PLAGL1: variants seen among roughly 807,000 people sequenced by gnomAD.
The protein encoded by PLAGL1 is zinc finger protein PLAGL1.
A neutral mutation model predicts 4.6 loss-of-function variants in PLAGL1; 1 was observed. That is an observed-to-expected ratio of 0.22 (90% CI 0.08 to 1.03). PLAGL1 has a LOEUF of 1.03. PLAGL1 is among the 50% of genes least tolerant of loss of function. The pLI is 0.58. For missense variants in PLAGL1, 464 were observed against 570.4 expected (o/e 0.81, Z 1.90); for synonymous variants, 240 against 237.8 (o/e 1.01, Z -0.08).
At position 143,949,140 on chromosome 6, in the gene PLAGL1, TCTTC is replaced by T. The variant is rs1455645652; in HGVS notation, c.-324-684_-324-681del. On this transcript the variant is annotated intron_variant, in intron 6 of 7. Coordinates refer to ENST00000674357, the MANE Select transcript of PLAGL1 (RefSeq NM_001317162.2). This position sits in a 1 kb window ranked among gnomAD's most constrained non-coding sequence, Gnocchi z 5.3. ...CATCCTCTAGTAAGTTCTACTAATC[TCTTC>T]CTTTTTTGTTTATGGACCTTTCTTC... is the stretch of plus-strand genomic sequence containing the variant. Among the ~76,000 whole-genome samples the T allele has an allele frequency of 6.6e-6, 1 of 152,174 alleles. No homozygotes were observed. Among genetic ancestry groups the T allele is most frequent in the Non-Finnish European group, 1.5e-5 (1 of 68,030 alleles).
intron 2 of PLAGL1, among the ~76,000 whole-genome samples, chr6:143,980,544 A>G (rs1012324650): frequency 3.3e-5 from 5 of 152,122 alleles, no homozygotes; most frequent in Admixed American, 2.6e-4. Flanking sequence ...TATAGCTTCC[A>G]TCTTTTCTTA....
rs527845197 is a variant in PLAGL1, at chr6:144,045,833, C to T, written c.-151+18635G>A. ...ATCACTTTCAGGTACACCAATCAAA[C>T]GTAGATTTGGTCTTTTCACATAGTC... On this transcript the variant is annotated intron_variant, in intron 1 of 3. Transcript: ENST00000437412. Among the ~76,000 whole-genome samples, 28 of 152,296 alleles carry T rather than the reference C, an allele frequency of 1.8e-4. No homozygotes were observed. The East Asian group carries it at 5.0e-3, about 27-fold the overall frequency.
rs80179798 is a variant in PLAGL1, at chr6:143,945,989, A to C, written c.152+1996T>G. ...TAAGAACAACTACCTTCTAAACATGACTTAAGACTTCTTTTTCAGCGCAGT... is the reference window on the plus strand; with the variant it reads ...TAAGAACAACTACCTTCTAAACATGCCTTAAGACTTCTTTTTCAGCGCAGT... On this transcript the variant is annotated intron_variant, in intron 7 of 7. Transcript: ENST00000674357. The surrounding 1 kb of genome is among the most constrained non-coding windows in gnomAD (Gnocchi z 4.2). Among the ~76,000 whole-genome samples, 4,489 of 152,204 alleles carry C rather than the reference A, an allele frequency of 0.029. 84 individuals carry two copies. The highest frequency in any genetic ancestry group is 0.058 in the Middle Eastern group (17 of 294).
rs912432449 is a variant in PLAGL1 at position 144,022,800 on chromosome 6, T to G, written c.-151+41668A>C. On this transcript the variant is annotated intron_variant, in intron 1 of 3. Coordinates refer to the PLAGL1 transcript ENST00000437412. The surrounding 1 kb of genome is among the most constrained non-coding windows in gnomAD (Gnocchi z 4.2). ...AATTAAACCTCTTTCCTTTATAAAT[T>G]ATGCAGTCTCAGGTATGTCTTTATT... 5.3e-5 allele frequency among the ~76,000 whole-genome samples: 8 copies of G among 152,184 alleles called. No homozygotes were observed. Among genetic ancestry groups the G allele is most frequent in the African/African-American group, 1.9e-4 (8 of 41,448 alleles).
intron 1 of PLAGL1, among the ~76,000 whole-genome samples, chr6:144,001,857 G>C (rs1792963908): frequency 6.6e-6 from 1 of 152,094 alleles, no homozygotes; most frequent in Admixed American, 6.5e-5. Flanking sequence ...AAATTGAGAT[G>C]CATTTTACAA....
rs1386979724 is a variant in PLAGL1, at chr6:143,941,137, G to GACAA, written c.*283_*286dup. The GACAA allele has an allele frequency of 2.0e-5, 5 of 250,978 alleles. No homozygotes were observed. The highest frequency in any genetic ancestry group is 1.0e-4 in the Admixed American group (2 of 19,182). 15.5% of individuals were successfully genotyped at this position (250,978 alleles called of 1,614,324 possible). On this transcript the variant is annotated 3_prime_UTR_variant, in exon 8 of 8. Transcript: ENST00000674357. This position sits in a 1 kb window ranked among gnomAD's most constrained non-coding sequence, Gnocchi z 6.0. The stretch of plus-strand genomic sequence containing the variant: ...CATGGCTTACGATTAAATTCCATAT[G>GACAA]ACAAACACTTATATATAGCAGCCGT...
chr6:144,031,124 G>A (rs1796791259), intron 1 of PLAGL1, among the ~76,000 whole-genome samples: 1 of 152,110 alleles, frequency 6.6e-6, no homozygotes, highest in South Asian at 2.1e-4. Context: ...TTTTCCATAT[G>A]CTTGTTGGCC....
At position 143,941,275 on chromosome 6, in the gene PLAGL1, C is replaced by A; in HGVS notation, c.*149G>T. 5 of 583,332 alleles carry A rather than the reference C, an allele frequency of 8.6e-6. No homozygotes were observed. Among genetic ancestry groups the A allele is most frequent in the Non-Finnish European group, 1.4e-5 (5 of 349,500 alleles). The allele number at this position is 583,332 out of a possible 1,614,324, so 36.1% of individuals were successfully genotyped here. A position where few individuals can be genotyped will look rare whatever the true frequency, so the allele number is the denominator to read the frequency against. On this transcript the variant is annotated 3_prime_UTR_variant, in exon 8 of 8. Coordinates refer to ENST00000674357, the MANE Select transcript of PLAGL1 (RefSeq NM_001317162.2). This position sits in a 1 kb window ranked among gnomAD's most constrained non-coding sequence, Gnocchi z 6.0. ...ACAGATTGGCACAATACATGCAGTT[C>A]GAGAATTCTCTTATCATCTCAAGCC...
In PLAGL1 at chr6:143,982,355, C is replaced by G. The variant is rs1381465430; in HGVS notation, c.-544+2780G>C. Among the ~76,000 whole-genome samples the G allele has an allele frequency of 6.6e-6, 1 of 152,016 alleles. No homozygotes were observed. Among genetic ancestry groups the G allele is most frequent in the Non-Finnish European group, 1.5e-5 (1 of 67,982 alleles). On this transcript the variant is annotated intron_variant, in intron 2 of 7. Coordinates refer to ENST00000674357, the MANE Select transcript of PLAGL1 (RefSeq NM_001317162.2). The surrounding 1 kb of genome is among the most constrained non-coding windows in gnomAD (Gnocchi z 5.3). ...ATAATTGCAAAACTCGATGCAGAAA[C>G]AAGAAAACTGGTATGGCTAAAGCAG...
chr6:143,947,942 AAACGTACTTCT>A lies in PLAGL1; in HGVS notation c.152+32_152+42del. 1.3e-6 allele frequency: 2 copies of A among 1,565,512 alleles called. No individual in the cohort carries two copies. The highest frequency in any genetic ancestry group is 1.8e-6 in the Non-Finnish European group (2 of 1,138,026). On this transcript the variant is annotated intron_variant, in intron 7 of 7. Coordinates refer to ENST00000674357, the MANE Select transcript of PLAGL1 (RefSeq NM_001317162.2). This position sits in a 1 kb window ranked among gnomAD's most constrained non-coding sequence, Gnocchi z 4.3. ...GGTCTGAGGGCTAGAAAAGCCATTTAAACGTACTTCTAAAAGTGCATACCTTTGCCAAAGCC... is the reference window on the plus strand; with the variant it reads ...GGTCTGAGGGCTAGAAAAGCCATTTAAAAAGTGCATACCTTTGCCAAAGCC...
chr6:144,012,000 G>A (rs1377359740), upstream of PLAGL1, among the ~76,000 whole-genome samples: 2 of 152,148 alleles, frequency 1.3e-5, no homozygotes, highest in South Asian at 2.1e-4. The surrounding 1 kb of genome is among the most constrained non-coding windows in gnomAD (Gnocchi z 4.3). Flanking sequence ...TTAGGATTTG[G>A]TCTGATCATC....
At chr6:143,996,279 T>C (rs1188772729) in intron 1 of PLAGL1, among the ~76,000 whole-genome samples, 1 of 152,198 alleles carries the variant, frequency 6.6e-6, no homozygotes, top group African/African-American at 2.4e-5. Context: ...CTGCGATGTC[T>C]GCATGTATGA....
intron 7 of PLAGL1, among the ~76,000 whole-genome samples, chr6:143,943,185 T>C (rs17073230): frequency 0.027 from 4,173 of 151,904 alleles, 194 homozygotes; most frequent in African/African-American, 0.095. Context: ...AAAGAGAACA[T>C]GTTTTTTTAA....
chr6:144,058,888 T>C (rs1314860780), intron 1 of PLAGL1, among the ~76,000 whole-genome samples: 1 of 152,160 alleles, frequency 6.6e-6, no homozygotes, highest in Non-Finnish European at 1.5e-5. Context: ...GAGTTGAGTG[T>C]CTGCATCTTT....
rs1287129779 is a variant in PLAGL1, at chr6:144,064,476, A to C, written c.-159T>G. ...CTGCCTTTCCTACCTACCCGCCGCC[A>C]AGTTTCCCCCGCTTGGAAAGTTCTG... On this transcript the variant is annotated 5_prime_UTR_variant, in exon 1 of 4. Transcript: ENST00000437412. The surrounding 1 kb of genome is among the most constrained non-coding windows in gnomAD (Gnocchi z 6.8). 2.0e-5 allele frequency: 3 copies of C among 152,058 alleles called. No individual in the cohort carries two copies. Among genetic ancestry groups the C allele is most frequent in the Non-Finnish European group, 1.5e-5 (1 of 68,144 alleles). The allele number at this position is 152,058 out of a possible 1,614,324, so 9.4% of individuals were successfully genotyped here.
At position 143,941,683 on chromosome 6, in the gene PLAGL1, A is replaced by G. The variant is rs1562363442; in HGVS notation, c.1133T>C (p.Leu378Pro). 6.2e-7 allele frequency: 1 copy of G among 1,614,268 alleles called. No individual in the cohort carries two copies. The highest frequency in any genetic ancestry group is 8.5e-7 in the Non-Finnish European group (1 of 1,180,046). Residue 378 changes from leucine (L) to proline (P), a missense_variant, in exon 8 of 8, where the codon CTG becomes CCG. Around this residue, in one of 4 missense-constraint regions of PLAGL1, gnomAD observed 248 missense variants for 250.1 expected, o/e 0.99. Coordinates refer to ENST00000674357, the MANE Select transcript of PLAGL1 (RefSeq NM_001317162.2). The surrounding 1 kb of genome is among the most constrained non-coding windows in gnomAD (Gnocchi z 6.0). ...DAVNLTIPAS[L>P]DLSPLLGFWQ... ...GAAGCCCAACAGGGGGGACAGGTCCAGAGAGGCAGGTATTGTTAGGTTCAC... is the reference window on the plus strand; with the variant it reads ...GAAGCCCAACAGGGGGGACAGGTCCGGAGAGGCAGGTATTGTTAGGTTCAC...
At position 144,034,831 on chromosome 6, in the gene PLAGL1, G is replaced by A. The variant is rs1418426219; in HGVS notation, c.-151+29637C>T. Among the ~76,000 whole-genome samples, 2 of 152,154 alleles carry A rather than the reference G, an allele frequency of 1.3e-5. No homozygotes were observed. Among genetic ancestry groups the A allele is most frequent in the Admixed American group, 1.3e-4 (2 of 15,268 alleles). On this transcript the variant is annotated intron_variant, in intron 1 of 3. Transcript: ENST00000437412. This position sits in a 1 kb window ranked among gnomAD's most constrained non-coding sequence, Gnocchi z 4.7. The stretch of plus-strand genomic sequence containing the variant: ...GCTTTAAGCAAAGTAGATGAACCAG[G>A]AACAAAGCATCAGCTTTGTTTAACA...
chr6:144,030,069 C>T (rs371697797), intron 1 of PLAGL1, among the ~76,000 whole-genome samples: 25 of 151,702 alleles, frequency 1.6e-4, no homozygotes, highest in African/African-American at 5.8e-4. Context: ...CTGGTTAACA[C>T]GGTGAAACCC....
chr6:143,967,730 G>A, intron 3 of PLAGL1: 1 of 152,230 alleles, frequency 6.6e-6, no homozygotes. Flanking sequence ...CGTGTTGGTG[G>A]GGGTAGTGGA....
Sources: allele counts gnomAD v4.1 joint callset (sites outside exome capture counted in the v4.1 genomes callset), GRCh38; gene constraint gnomAD v4.1.1; regional missense constraint gnomAD v4.1.1; non-coding constraint Gnocchi (gnomAD v3.1); transcripts MANE v1.5; gene names NCBI Gene and HGNC (gene_info 2026-07-23, HGNC 2026-07-21).